The following APLP2 variants were observed in gnomAD, a reference collection of about 807,000 sequenced individuals.
APLP2 encodes the protein CDEI box-binding protein.
APLP2 carries 53 observed loss-of-function variants against 89.9 expected under a neutral mutation model. The observed-to-expected ratio is 0.59, with a 90% CI of 0.47 to 0.74. APLP2 has a LOEUF of 0.74. Ranked by LOEUF, APLP2 falls within the 30% of genes least tolerant of loss-of-function variation. The pLI, the probability that APLP2 is intolerant of heterozygous loss-of-function variation, is 0.00. For synonymous variants in APLP2, 372 were observed against 348.6 expected, an observed-to-expected ratio of 1.07 and a Z score of -0.75; for missense variants, 973 against 975.9, an observed-to-expected ratio of 1.00 and a Z score of 0.04.
At chr11:130,122,141 C>T (rs147818030) in intron 5 of APLP2, among the ~76,000 whole-genome samples, 164 bp from the exon 6 acceptor site, 17 of 152,226 alleles carry the variant, frequency 1.1e-4, no homozygotes, top group African/African-American at 3.1e-4. Flanking sequence ...AAATACTTCC[C>T]GTTTGCTGAT....
chr11:130,101,125 A>G (rs555187855), intron 1 of APLP2, among the ~76,000 whole-genome samples: 2 of 141,972 alleles, frequency 1.4e-5, no homozygotes, highest in Non-Finnish European at 1.5e-5. Context: ...ATAGAATTTA[A>G]TATGTGTACA....
intron 1 of APLP2, among the ~76,000 whole-genome samples, chr11:130,077,143 T>G (rs1281011935): frequency 2.0e-5 from 3 of 152,196 alleles, no homozygotes; most frequent in African/African-American, 7.2e-5. Context: ...AAAGAAGTAA[T>G]TTCTTCTGAA....
chr11:130,110,642 T>C lies in APLP2; in HGVS notation c.384T>C (p.Val128=). 6.2e-7 allele frequency: 1 copy of C among 1,613,940 alleles called. No homozygotes were observed. The highest frequency in any genetic ancestry group is 8.5e-7 in the Non-Finnish European group (1 of 1,179,942). ...RDKKQCKSRF[V]TPFKCLVGEF... is the part of the protein sequence containing the mutation. ...AAAAGCAATGCAAGAGTCGCTTTGTTACACCTTTCAAGTGTCTCGGTGAGT... is the reference window on the plus strand; with the variant it reads ...AAAAGCAATGCAAGAGTCGCTTTGTCACACCTTTCAAGTGTCTCGGTGAGT... Residue 128 remains valine, a synonymous_variant, in exon 3 of 17, where the codon GTT becomes GTC. Transcript: ENST00000338167.
chr11:130,120,681 C>G (rs2135936199), intron 3 of APLP2, 25 bp from the exon 4 acceptor site: 1 of 1,546,226 alleles, frequency 6.5e-7, no homozygotes. Context: ...GTCAGATCCG[C>G]TCTGACAAAG....
chr11:130,075,628 CAA>C, intron 1 of APLP2, among the ~76,000 whole-genome samples: 1 of 152,266 alleles, frequency 6.6e-6, no homozygotes, highest in East Asian at 1.9e-4. Flanking sequence ...AAAAACAAAA[CAA>C]AGTCTTTGGG....
chr11:130,124,401 G>T (rs1205480450), intron 7 of APLP2, among the ~76,000 whole-genome samples: 3 of 152,220 alleles, frequency 2.0e-5, no homozygotes, highest in African/African-American at 7.2e-5. Flanking sequence ...TTCAGTTGGT[G>T]TGTGCTTTGG....
chr11:130,120,955 T>G, intron 4 of APLP2, 137 bp downstream of exon 4: 1 of 668,752 alleles, frequency 1.5e-6, no homozygotes, highest in East Asian at 2.7e-5. Flanking sequence ...ATTACTTCTG[T>G]CTTATAAGTT....
chr11:130,129,592 T>G (rs1950712017), intron 10 of APLP2, among the ~76,000 whole-genome samples: 1 of 152,224 alleles, frequency 6.6e-6, no homozygotes, highest in Admixed American at 6.5e-5. Flanking sequence ...CTTCTGAAAC[T>G]CTTGTGTGAG....
At chr11:130,129,437 G>T (rs111378005) in intron 10 of APLP2, among the ~76,000 whole-genome samples, 2 of 152,192 alleles carry the variant, frequency 1.3e-5, no homozygotes, top group Non-Finnish European at 2.9e-5. Flanking sequence ...AGTGTTTTAC[G>T]CTGGAAAAGT....
At chr11:130,133,449 C>T (rs912678370) in intron 11 of APLP2, among the ~76,000 whole-genome samples, 180 bp from the exon 12 acceptor site, 6 of 152,142 alleles carry the variant, frequency 3.9e-5, no homozygotes, top group African/African-American at 1.4e-4. Context: ...CTTTAGCAGT[C>T]AGTAAATATG....
At chr11:130,081,283 A>G (rs1468216817) in intron 1 of APLP2, among the ~76,000 whole-genome samples, 1 of 152,196 alleles carries the variant, frequency 6.6e-6, no homozygotes, top group Non-Finnish European at 1.5e-5. Context: ...AATGTACAAC[A>G]TTCATCCCTC....
In APLP2 at chr11:130,126,769, A is replaced by G. The variant is rs1950414095; in HGVS notation, c.1160A>G (p.His387Arg). Residue 387 changes from histidine (H) to arginine (R), a missense_variant, in exon 8 of 17, where the codon CAT (histidine) becomes CGT (arginine). His to Arg is a conservative substitution (Grantham distance 29, BLOSUM62 0). Coordinates refer to ENST00000338167, the MANE Select transcript of APLP2 (RefSeq NM_001142276.2). ...YFETSADDNEHARFQKAKEQL... is the reference protein window; with the variant it reads ...YFETSADDNERARFQKAKEQL... The stretch of plus-strand genomic sequence containing the variant: ...GAGACCTCTGCAGATGATAATGAGC[A>G]TGCTCGCTTCCAGAAGGCTAAGGAG... The G allele has an allele frequency of 1.9e-6, 3 of 1,614,108 alleles. No individual in the cohort carries two copies. Among genetic ancestry groups the G allele is most frequent in the East Asian group, 2.2e-5 (1 of 44,898 alleles).
At chr11:130,116,828 GAT>G (rs770557387) in intron 3 of APLP2, among the ~76,000 whole-genome samples, 4 of 151,376 alleles carry the variant, frequency 2.6e-5, no homozygotes, top group African/African-American at 4.8e-5. Flanking sequence ...ACTGTTAAAA[GAT>G]ATATATATAT....
intron 1 of APLP2, among the ~76,000 whole-genome samples, chr11:130,098,990 A>G (rs796667850): frequency 6.6e-6 from 1 of 152,200 alleles, no homozygotes; most frequent in African/African-American, 2.4e-5. Flanking sequence ...TAGAAAACAT[A>G]TCCTTCTACA....
chr11:130,123,472 G>C lies in APLP2; in HGVS notation c.923-140G>C, dbSNP rs1209847282. On this transcript the variant is annotated intron_variant, in intron 6 of 16. Transcript: ENST00000338167. This position sits in a 1 kb window ranked among gnomAD's most constrained non-coding sequence, Gnocchi z 4.0. ...CTCAGCAAGGCTGGCCTGAGCTGGA[G>C]CTTTCGGCCACCGGGCCTCCAGGCT... is the stretch of plus-strand genomic sequence containing the variant. The C allele has an allele frequency of 3.5e-6, 3 of 853,110 alleles. No homozygotes were observed. The highest frequency in any genetic ancestry group is 2.9e-5 in the Admixed American group (1 of 34,112). 52.8% of individuals were successfully genotyped at this position (853,110 alleles called of 1,614,324 possible).
In APLP2 at chr11:130,092,585, CCTGCAAT is replaced by C. The variant is rs1945529437; in HGVS notation, c.106-16842_106-16836del. Reference sequence around the variant, plus strand: ...AACCAGTCAGGCGTGGCGGCGCGTGCCTGCAATCGCAGGCATTGGGCAGACTGAGGCA... The same window carrying C: ...AACCAGTCAGGCGTGGCGGCGCGTGCCGCAGGCATTGGGCAGACTGAGGCA... On this transcript the variant is annotated intron_variant, in intron 1 of 16. Transcript: ENST00000338167. 3.4e-5 allele frequency among the ~76,000 whole-genome samples: 5 copies of C among 148,646 alleles called. No homozygotes were observed. In the South Asian group the frequency reaches 1.1e-3, roughly 32 times the overall value.
chr11:130,094,777 T>C (rs1945967927), intron 1 of APLP2, among the ~76,000 whole-genome samples: 1 of 152,202 alleles, frequency 6.6e-6, no homozygotes, highest in Non-Finnish European at 1.5e-5. Flanking sequence ...AGGGAAGTAC[T>C]GAGTCAAAAC....
intron 1 of APLP2, chr11:130,108,603 TGGTG>T (rs1367512553): frequency 1.3e-5 from 2 of 152,232 alleles, no homozygotes; most frequent in African/African-American, 4.8e-5. Flanking sequence ...TTTACACTGT[TGGTG>T]GGACTCTAAA....
chr11:130,106,923 G>T, intron 1 of APLP2, among the ~76,000 whole-genome samples: 1 of 152,194 alleles, frequency 6.6e-6, no homozygotes, highest in Middle Eastern at 3.4e-3. Flanking sequence ...TCTCGACCTC[G>T]TGATCTGCCT....
Sources: gnomAD v4.1 joint callset for allele counts (sites outside exome capture counted in the v4.1 genomes callset) on GRCh38, gnomAD v4.1.1 for gene constraint, Gnocchi (gnomAD v3.1) non-coding constraint, MANE v1.5 for transcripts, NCBI Gene and HGNC (gene_info 2026-07-23, HGNC 2026-07-21) for gene names.